Variants in UTP4 observed in about 807,000 individuals in gnomAD.
UTP4 encodes UTP4 small subunit processome component.
A neutral mutation model predicts 82.4 loss-of-function variants in UTP4; 45 were observed. The ratio of observed to expected loss-of-function variants is 0.55; its 90% CI spans 0.43 to 0.70. The LOEUF is 0.70. UTP4 is among the 30% of genes least tolerant of loss of function. The probability of loss-of-function intolerance (pLI) is 0.00; values close to 1 mark genes in which losing one functional copy is unlikely to be tolerated. For synonymous variants in UTP4, 348 were observed against 300.3 expected (o/e 1.16, Z -1.64); for missense variants, 819 against 858.3 (o/e 0.95, Z 0.57).
intron 13 of UTP4, 73 bp downstream of exon 13, chr16:69,160,535 C>G: frequency 9.4e-7 from 1 of 1,067,114 alleles, no homozygotes; most frequent in Non-Finnish European, 1.5e-6. Context: ...TTACAAGATT[C>G]AAGGCAGATT....
intron 4 of UTP4, 171 bp downstream of exon 4, chr16:69,138,056 G>C (rs752895610): frequency 2.3e-5 from 14 of 611,226 alleles, no homozygotes; most frequent in Non-Finnish European, 3.8e-5. Context: ...CCATTGTATA[G>C]CATAGTTGTG....
Position 69,153,597 on chromosome 16 carries a change from C to T in UTP4, c.1016C>T (p.Ser339Phe). The T allele has an allele frequency of 6.2e-7, 1 of 1,612,876 alleles. No individual in the cohort carries two copies. The highest frequency in any genetic ancestry group is 1.1e-5 in the South Asian group (1 of 90,740). Residue 339 changes from serine to phenylalanine, a missense_variant, in exon 9 of 17, where the codon TCC (serine) becomes TTC (phenylalanine). Coordinates refer to ENST00000314423, the MANE Select transcript of UTP4 (RefSeq NM_032830.3). ...KITFPHRCLISCSKKRQLLLF... is the reference protein window; with the variant it reads ...KITFPHRCLIFCSKKRQLLLF... ...TCTTGGATATAGCGATGTCTCATCT[C>T]CTGTTCTAAAAAGAGGCAGCTTCTC...
At chr16:69,150,736 G>T in intron 7 of UTP4, 28 bp downstream of exon 7, 3 of 1,614,138 alleles carry the variant, frequency 1.9e-6, no homozygotes, top group Non-Finnish European at 2.5e-6. Flanking sequence ...TGAGGCTGCT[G>T]CTTTACCCTG....
chr16:69,143,505 G>A, intron 6 of UTP4, 116 bp downstream of exon 6: 1 of 927,694 alleles, frequency 1.1e-6, no homozygotes, highest in Non-Finnish European at 1.7e-6. Context: ...TGTACTGGAG[G>A]AAGATGAGTT....
intron 2 of UTP4, among the ~76,000 whole-genome samples, chr16:69,136,030 C>T (rs752996779): frequency 6.6e-6 from 1 of 151,866 alleles, no homozygotes; most frequent in Non-Finnish European, 1.5e-5. Flanking sequence ...ACTCTGTCTC[C>T]AAAAAACAAA....
chr16:69,167,675 TACTCAAATG>T (rs146498178), intron 16 of UTP4: 8,293 of 165,924 alleles, frequency 0.05, 246 homozygotes, highest in South Asian at 0.066. Context: ...AATTACTGAT[TACTCAAATG>T]ACTCAAATGT....
intron 16 of UTP4, 127 bp from the exon 17 acceptor site, chr16:69,168,694 A>C (rs1407888134): frequency 1.3e-6 from 1 of 756,430 alleles, no homozygotes; most frequent in Non-Finnish European, 2.4e-6. Context: ...ATTGTCAAGA[A>C]ATTTAAATCA....
intron 12 of UTP4, among the ~76,000 whole-genome samples, chr16:69,160,066 C>G (rs745930505): frequency 3.3e-5 from 5 of 151,926 alleles, no homozygotes; most frequent in African/African-American, 9.7e-5. Context: ...ATTTTAGTGG[C>G]AGATGCTGCC....
intron 11 of UTP4, 53 bp from the exon 12 acceptor site, chr16:69,157,031 T>C: frequency 6.3e-7 from 1 of 1,591,850 alleles, no homozygotes; most frequent in Non-Finnish European, 8.6e-7. Flanking sequence ...TTGTTTCTGA[T>C]GGGCTGTAGG....
Position 69,145,708 on chromosome 16 carries a change from T to G in UTP4, c.738+2319T>G, listed in dbSNP as rs188674827. ...TCTTTAGAGAAGAGGGAGAGGCTCCTCAGGGCCACCTTATGTGCTGTCCTT... is the reference window on the plus strand; with the variant it reads ...TCTTTAGAGAAGAGGGAGAGGCTCCGCAGGGCCACCTTATGTGCTGTCCTT... On this transcript the variant is annotated intron_variant, in intron 6 of 16. Transcript: ENST00000314423. Among the ~76,000 whole-genome samples, 945 of 152,182 alleles carry G rather than the reference T, an allele frequency of 6.2e-3. 6 individuals carry two copies. Among genetic ancestry groups the G allele is most frequent in the Non-Finnish European group, 0.011 (719 of 68,004 alleles).
intron 6 of UTP4, among the ~76,000 whole-genome samples, chr16:69,149,833 A>C (rs1963212535): frequency 6.6e-6 from 1 of 151,644 alleles, no homozygotes; most frequent in African/African-American, 2.4e-5. Flanking sequence ...GGTTCAAGTG[A>C]TTCTCGTGCC....
At chr16:69,134,322 T>G (rs549386636) in intron 2 of UTP4, among the ~76,000 whole-genome samples, 44 of 152,202 alleles carry the variant, frequency 2.9e-4, no homozygotes, top group African/African-American at 1.0e-3. Flanking sequence ...TTAGGCATTC[T>G]GTAAATGTTT....
At chr16:69,165,650 T>C in intron 15 of UTP4, 124 bp downstream of exon 15, 1 of 817,698 alleles carries the variant, frequency 1.2e-6, no homozygotes. Flanking sequence ...AGAATACAGG[T>C]AGCTAGTACA....
intron 14 of UTP4, among the ~76,000 whole-genome samples, chr16:69,164,589 T>TAG (rs1044578656): frequency 8.6e-5 from 5 of 57,818 alleles, no homozygotes; most frequent in African/African-American, 3.4e-4. Flanking sequence ...TCATTCTTTA[T>TAG]ATATATATAT....
intron 8 of UTP4, among the ~76,000 whole-genome samples, chr16:69,151,325 CTTTTTTTTT>C (rs75659040): frequency 8.8e-5 from 11 of 124,768 alleles, no homozygotes; most frequent in African/African-American, 3.2e-4. Context: ...CTTTTTTTTT[CTTTTTTTTT>C]TTTTTTGAGA....
At chr16:69,168,743 G>T (rs976154485) in intron 16 of UTP4, 78 bp from the exon 17 acceptor site, 1 of 882,940 alleles carries the variant, frequency 1.1e-6, no homozygotes, top group African/African-American at 1.6e-5. Context: ...AGCTTAGATG[G>T]TGTCTACCTA....
intron 14 of UTP4, among the ~76,000 whole-genome samples, chr16:69,164,602 A>G (rs1028792097): frequency 1.4e-5 from 2 of 144,272 alleles, no homozygotes; most frequent in African/African-American, 2.6e-5. Flanking sequence ...ATATATATAT[A>G]TATATATATA....
At chr16:69,159,984 CAAAAAA>C (rs747900916) in intron 12 of UTP4, among the ~76,000 whole-genome samples, 2 of 90,486 alleles carry the variant, frequency 2.2e-5, no homozygotes, top group Admixed American at 2.3e-4. Flanking sequence ...GACTCCATCT[CAAAAAA>C]AAAAAAACAA....
At chr16:69,156,882 C>T (rs1458028706) in intron 11 of UTP4, among the ~76,000 whole-genome samples, 1 of 152,200 alleles carries the variant, frequency 6.6e-6, no homozygotes, top group Non-Finnish European at 1.5e-5. Flanking sequence ...TTAGTTATTT[C>T]CTTGATAGAG....
Sources: allele counts gnomAD v4.1 joint callset (sites outside exome capture counted in the v4.1 genomes callset), GRCh38; gene constraint gnomAD v4.1.1; transcripts MANE v1.5; gene names NCBI Gene and HGNC (gene_info 2026-07-23, HGNC 2026-07-21).